SVOPL: variants seen among roughly 807,000 people sequenced by gnomAD.
SVOPL encodes the protein SVOP like.
In SVOPL, 60 loss-of-function variants were observed where a neutral mutation model predicts 61.0. That is an observed-to-expected ratio of 0.98 (90% confidence interval 0.80 to 1.22). SVOPL has a LOEUF of 1.22. Ranked by LOEUF, SVOPL falls within the 50% of genes most tolerant of loss-of-function variation. The probability of loss-of-function intolerance (pLI) is 0.00; values close to 1 mark genes in which losing one functional copy is unlikely to be tolerated. For synonymous variants in SVOPL, 279 were observed against 250.0 expected (o/e 1.12, Z -1.09); for missense variants, 662 against 643.9 (o/e 1.03, Z -0.30).
chr7:138,603,777 C>T (rs1004453425), intron 14 of SVOPL, among the ~76,000 whole-genome samples: 2 of 152,054 alleles, frequency 1.3e-5, no homozygotes, highest in Non-Finnish European at 2.9e-5. Flanking sequence ...GTATTATACC[C>T]TCCAATGAAA....
At chr7:138,693,940 C>T (rs780426456) in intron 1 of SVOPL, among the ~76,000 whole-genome samples, 1 of 152,164 alleles carries the variant, frequency 6.6e-6, no homozygotes, top group Non-Finnish European at 1.5e-5. Context: ...ATGAAGAATA[C>T]ATACAGTGGC....
At chr7:138,633,223 G>GA (rs1305991104) in intron 9 of SVOPL, among the ~76,000 whole-genome samples, 1 of 152,174 alleles carries the variant, frequency 6.6e-6, no homozygotes, top group African/African-American at 2.4e-5. Flanking sequence ...TCCTTTGGAA[G>GA]AAAGTTCGGG....
intron 9 of SVOPL, among the ~76,000 whole-genome samples, chr7:138,642,662 TACAAAAAAC>T (rs1214120415): frequency 2.6e-5 from 4 of 151,508 alleles, no homozygotes; most frequent in African/African-American, 7.3e-5. Flanking sequence ...ACACTGTCTC[TACAAAAAAC>T]ACAAAAAATT....
chr7:138,645,165 C>T (rs1419403974), intron 8 of SVOPL, among the ~76,000 whole-genome samples: 3 of 151,974 alleles, frequency 2.0e-5, no homozygotes, highest in Admixed American at 1.3e-4. Context: ...TGCGGGCACC[C>T]CTCTCCACCC....
intron 1 of SVOPL, among the ~76,000 whole-genome samples, chr7:138,685,304 G>A (rs868652550): frequency 1.2e-4 from 19 of 152,110 alleles, no homozygotes; most frequent in African/African-American, 4.3e-4. Context: ...GAAACTGAAG[G>A]ACACGATGCT....
Position 138,594,641 on chromosome 7 carries a change from T to C in SVOPL, c.1468-20A>G, listed in dbSNP as rs1201649800. 1.9e-6 allele frequency: 3 copies of C among 1,588,404 alleles called. No homozygotes were observed. The highest frequency in any genetic ancestry group is 1.3e-5 in the African/African-American group (1 of 74,440). On this transcript the variant is annotated intron_variant, in intron 15 of 15. Transcript: ENST00000674285. ...AATTTGCTGGAAGAAAGTTATTTAATAGATCAGTAATAGACTTTTTAAAAG... is the reference window on the plus strand; with the variant it reads ...AATTTGCTGGAAGAAAGTTATTTAACAGATCAGTAATAGACTTTTTAAAAG...
chr7:138,663,019 C>A (rs1802065322), intron 5 of SVOPL, 55 bp downstream of exon 5: 1 of 1,612,050 alleles, frequency 6.2e-7, no homozygotes, highest in Non-Finnish European at 8.5e-7. Context: ...ATAAGGTTGC[C>A]CCCAAAAGAA....
At chr7:138,611,882 C>A (rs1283778116) in intron 14 of SVOPL, among the ~76,000 whole-genome samples, 71 of 73,256 alleles carry the variant, frequency 9.7e-4, no homozygotes, top group South Asian at 1.2e-3. Context: ...GCCGCCACCC[C>A]GTCTGGGAGG....
At chr7:138,664,259 C>G (rs1332928766) in intron 4 of SVOPL, 2 of 984,300 alleles carry the variant, frequency 2.0e-6, no homozygotes, top group Non-Finnish European at 2.4e-6. Context: ...GCGCGCCTAA[C>G]CCTCCAGCGT....
At chr7:138,603,981 T>C (rs13235368) in intron 14 of SVOPL, among the ~76,000 whole-genome samples, 2 of 142,560 alleles carry the variant, frequency 1.4e-5, no homozygotes, top group Admixed American at 7.2e-5. Context: ...TTTTTTTTCA[T>C]TGAGACAGCG....
rs1563133082 is a variant in SVOPL at position 138,672,196 on chromosome 7, C to T, written c.175-79G>A. ...TTCTCATATCTGCCTGCCCATCATC[C>T]TACCTAGTCCTGTCCCCTTTGTCCT... On this transcript the variant is annotated intron_variant, in intron 3 of 15. Coordinates refer to ENST00000674285, the MANE Select transcript of SVOPL (RefSeq NM_001139456.2). 23 of 1,303,392 alleles carry T rather than the reference C, an allele frequency of 1.8e-5. No homozygotes were observed. The East Asian group carries it at 5.8e-4, about 33-fold the overall frequency. 80.7% of individuals were successfully genotyped at this position (1,303,392 alleles called of 1,614,324 possible). A position where few individuals can be genotyped will look rare whatever the true frequency, so the allele number is the denominator to read the frequency against.
chr7:138,664,143 C>T (rs948532703), intron 4 of SVOPL: 2 of 914,910 alleles, frequency 2.2e-6, no homozygotes, highest in African/African-American at 3.6e-5. Flanking sequence ...CACTCGCCCC[C>T]AACGATCCTC....
intron 1 of SVOPL, among the ~76,000 whole-genome samples, chr7:138,687,381 G>A (rs889513894): frequency 6.6e-6 from 1 of 151,210 alleles, no homozygotes; most frequent in African/African-American, 2.4e-5. Flanking sequence ...GATTACAGGT[G>A]CACACCACCA....
At chr7:138,694,268 G>A (rs11769069) in intron 1 of SVOPL, among the ~76,000 whole-genome samples, 3 of 152,086 alleles carry the variant, frequency 2.0e-5, no homozygotes, top group African/African-American at 4.8e-5. Flanking sequence ...TTTTTGAGAC[G>A]GAGTCTCGCT....
chr7:138,670,501 C>T (rs1802387980), intron 4 of SVOPL, among the ~76,000 whole-genome samples: 1 of 152,158 alleles, frequency 6.6e-6, no homozygotes, highest in African/African-American at 2.4e-5. Context: ...TGACCCCTGA[C>T]TCAACTGGTC....
intron 15 of SVOPL, among the ~76,000 whole-genome samples, chr7:138,596,207 A>AAAAG (rs397774442): frequency 6.9e-6 from 1 of 144,328 alleles, no homozygotes; most frequent in Non-Finnish European, 1.5e-5. Context: ...AAAAAAAAAA[A>AAAAG]GAAAGAAAAG....
intron 1 of SVOPL, among the ~76,000 whole-genome samples, chr7:138,692,208 G>A (rs113820000): frequency 0.02 from 3,035 of 152,220 alleles, 110 homozygotes; most frequent in African/African-American, 0.069. Flanking sequence ...TGAGTTTCAC[G>A]TCAAGTTTTG....
In SVOPL at chr7:138,643,165, G is replaced by A. The variant is rs537967768; in HGVS notation, c.789+1552C>T. Among the ~76,000 whole-genome samples the A allele has an allele frequency of 5.3e-5, 8 of 152,168 alleles. No homozygotes were observed. The East Asian group carries it at 9.7e-4, about 18-fold the overall frequency. On this transcript the variant is annotated intron_variant, in intron 9 of 15. Transcript: ENST00000674285. ...GCCTTGGCCAGGTGCGGTGGCTCAC[G>A]CCTGTAATCCCAGCACTTTGGGAGG...
chr7:138,663,807 CG>C (rs1297712419), intron 4 of SVOPL, among the ~76,000 whole-genome samples: 1 of 150,412 alleles, frequency 6.6e-6, no homozygotes. Flanking sequence ...CCCTGACTGA[CG>C]GCCTCCAGGG....
Sources: gnomAD v4.1 joint callset for allele counts (sites outside exome capture counted in the v4.1 genomes callset) on GRCh38, gnomAD v4.1.1 for gene constraint, MANE v1.5 for transcripts, NCBI Gene and HGNC (gene_info 2026-07-23, HGNC 2026-07-21) for gene names.